The following DOCK5 variants were observed in gnomAD, a reference collection of about 807,000 sequenced individuals.
The protein encoded by DOCK5 is dedicator of cytokinesis protein 5.
In DOCK5, 142 loss-of-function variants were observed where a neutral mutation model predicts 251.8. The observed-to-expected ratio is 0.56, with a 90% CI of 0.49 to 0.65. The LOEUF is 0.65. Among genes scored for constraint, DOCK5 ranks in the 30% least tolerant of loss-of-function variants. The pLI, the probability that DOCK5 is intolerant of heterozygous loss-of-function variation, is 0.00. For missense variants in DOCK5, 2,111 were observed against 2,312.3 expected, an observed-to-expected ratio of 0.91 and a Z score of 1.79; for synonymous variants, 842 against 835.5, an observed-to-expected ratio of 1.01 and a Z score of -0.13.
chr8:25,271,146 C>G (rs1803899038), intron 3 of DOCK5: 4 of 281,384 alleles, frequency 1.4e-5, no homozygotes, highest in African/African-American at 2.2e-5. Context: ...CCCCCAGGAT[C>G]TAAATGATAA....
At chr8:25,305,372 T>C (rs1804889948) in intron 11 of DOCK5, 2 of 151,948 alleles carry the variant, frequency 1.3e-5, no homozygotes, top group Admixed American at 6.5e-5. Context: ...TCACAACTTA[T>C]GCCAGTGTAA....
Position 25,366,895 on chromosome 8 carries a change from C to T in DOCK5, c.3149C>T (p.Ala1050Val). ...LQLWNNYFHLAVAFLTHESLQ... is the reference protein window; with the variant it reads ...LQLWNNYFHLVVAFLTHESLQ... ...CTCTGGAACAATTACTTCCATTTGG[C>T]AGTTGCATTTCTCACCCATGAGTCC... The change falls in exon 31 of 52, where the codon GCA (alanine) becomes GTA (valine). Residue 1050 changes from alanine (A) to valine (V), a missense_variant. Physicochemically the swap from Ala to Val is moderately conservative, Grantham distance 64. Transcript: ENST00000276440. 6.2e-7 allele frequency: 1 copy of T among 1,613,714 alleles called. No individual in the cohort carries two copies. The highest frequency in any genetic ancestry group is 8.5e-7 in the Non-Finnish European group (1 of 1,179,732).
chr8:25,244,270 C>T (rs959606799), intron 2 of DOCK5, among the ~76,000 whole-genome samples: 33 of 152,300 alleles, frequency 2.2e-4, no homozygotes, highest in African/African-American at 7.2e-4. Context: ...AGGCGAGGGC[C>T]GTGGTTCCAT....
chr8:25,265,382 C>T (rs1803715343), intron 2 of DOCK5, among the ~76,000 whole-genome samples: 1 of 151,938 alleles, frequency 6.6e-6, no homozygotes, highest in Admixed American at 6.6e-5. Context: ...TTTCTTCTTT[C>T]TTTGAACTTC....
At chr8:25,196,248 A>G (rs1054886801) in intron 1 of DOCK5, among the ~76,000 whole-genome samples, 1 of 152,220 alleles carries the variant, frequency 6.6e-6, no homozygotes. Context: ...GCTACCTGGA[A>G]AGAAAATGCT....
At position 25,229,562 on chromosome 8, in the gene DOCK5, T is replaced by C. The variant is rs184713581; in HGVS notation, c.44-14112T>C. ...TCATAGAAATACTGATTTACCTTTCTTCAGACTGGAAGAAGAAATGAGATT... is the reference window on the plus strand; with the variant it reads ...TCATAGAAATACTGATTTACCTTTCCTCAGACTGGAAGAAGAAATGAGATT... On this transcript the variant is annotated intron_variant, in intron 1 of 51. Transcript: ENST00000276440. 5.9e-4 allele frequency among the ~76,000 whole-genome samples: 90 copies of C among 152,322 alleles called. No homozygotes were observed. In the South Asian group the frequency reaches 0.01, roughly 17 times the overall value.
At position 25,364,896 on chromosome 8, in the gene DOCK5, C is replaced by T. The variant is rs1800749278; in HGVS notation, c.3123+192C>T. ...CACAACAAAATAGGGGTGGTTTCTT[C>T]TTTCTATAAAGGTAACATATGTAAA... On this transcript the variant is annotated intron_variant, in intron 30 of 51. Coordinates refer to ENST00000276440, the MANE Select transcript of DOCK5 (RefSeq NM_024940.8). 10 of 465,070 alleles carry T rather than the reference C, an allele frequency of 2.2e-5. No individual in the cohort carries two copies. The South Asian group carries it at 3.8e-4, about 18-fold the overall frequency. 28.8% of individuals were successfully genotyped at this position (465,070 alleles called of 1,614,324 possible).
chr8:25,313,167 G>A (rs1454949578), intron 13 of DOCK5, among the ~76,000 whole-genome samples: 1 of 152,116 alleles, frequency 6.6e-6, no homozygotes, highest in Non-Finnish European at 1.5e-5. Flanking sequence ...ACTCGTTCCA[G>A]TTGCCTCCTA....
At chr8:25,320,933 C>G (rs1341347136) in intron 15 of DOCK5, 47 bp from the exon 16 acceptor site, 12 of 1,536,336 alleles carry the variant, frequency 7.8e-6, no homozygotes, top group Non-Finnish European at 9.9e-6. Context: ...ACCATGCTTG[C>G]AAAGTACTGT....
chr8:25,330,175 CT>C (rs1414682044), intron 18 of DOCK5, among the ~76,000 whole-genome samples: 3 of 152,106 alleles, frequency 2.0e-5, no homozygotes, highest in African/African-American at 7.2e-5. Context: ...GAAATAAGAG[CT>C]GGAGAATATG....
At chr8:25,348,147 A>G (rs17053428) in intron 26 of DOCK5, among the ~76,000 whole-genome samples, 1 of 151,896 alleles carries the variant, frequency 6.6e-6, no homozygotes, top group Non-Finnish European at 1.5e-5. Flanking sequence ...TTATCCTCTC[A>G]TCTCCTTAGT....
chr8:25,217,093 T>C (rs1802267305), intron 1 of DOCK5, among the ~76,000 whole-genome samples: 1 of 148,812 alleles, frequency 6.7e-6, no homozygotes, highest in Non-Finnish European at 1.5e-5. Flanking sequence ...AATATGTGTA[T>C]ATATACACAT....
At chr8:25,405,094 ATGTTTTC>A (rs895083022) in intron 48 of DOCK5, among the ~76,000 whole-genome samples, 2 of 151,992 alleles carry the variant, frequency 1.3e-5, no homozygotes, top group Admixed American at 1.3e-4. Context: ...ATGAGTTGAA[ATGTTTTC>A]TCCTAATTTC....
At chr8:25,190,038 C>T (rs1424581129) in intron 1 of DOCK5, among the ~76,000 whole-genome samples, 1 of 152,188 alleles carries the variant, frequency 6.6e-6, no homozygotes, top group Non-Finnish European at 1.5e-5. Flanking sequence ...AGGCGCACGC[C>T]ACCACGCCCG....
intron 41 of DOCK5, among the ~76,000 whole-genome samples, chr8:25,389,998 G>C (rs1247879964): frequency 8.1e-6 from 1 of 124,144 alleles, no homozygotes; most frequent in East Asian, 2.4e-4. Context: ...AAAAAAAAAA[G>C]GGCCCTAGGA....
chr8:25,354,045 AAAACAAAC>A (rs747407785), intron 27 of DOCK5, among the ~76,000 whole-genome samples: 4,724 of 35,370 alleles, frequency 0.13, 689 homozygotes, highest in Non-Finnish European at 0.18. Flanking sequence ...AAAAAAAAAA[AAAACAAAC>A]AAAAAAAAAA....
chr8:25,298,582 GTTTT>G (rs747293720), intron 7 of DOCK5, among the ~76,000 whole-genome samples: 11 of 152,090 alleles, frequency 7.2e-5, no homozygotes, highest in Non-Finnish European at 1.3e-4. Context: ...TCTGTGTTTT[GTTTT>G]TTGTTATTTA....
At chr8:25,185,037 G>A (rs1801396579) in intron 1 of DOCK5, 86 bp downstream of exon 1, 13 of 1,252,910 alleles carry the variant, frequency 1.0e-5, no homozygotes, top group Non-Finnish European at 1.3e-5. Flanking sequence ...GCAGAGCCCG[G>A]CGGAGGACCC....
chr8:25,189,506 G>A (rs942505626), intron 1 of DOCK5, among the ~76,000 whole-genome samples: 1 of 152,096 alleles, frequency 6.6e-6, no homozygotes, highest in Non-Finnish European at 1.5e-5. Flanking sequence ...AGCTACAGGT[G>A]CGTGCCACCA....
Sources: gnomAD v4.1 joint callset for allele counts (sites outside exome capture counted in the v4.1 genomes callset) on GRCh38, gnomAD v4.1.1 for gene constraint, MANE v1.5 for transcripts, NCBI Gene and HGNC (gene_info 2026-07-23, HGNC 2026-07-21) for gene names.